Variants in ARHGEF7 observed in about 807,000 individuals in gnomAD.
ARHGEF7 encodes the protein Rho guanine nucleotide exchange factor 7.
ARHGEF7 carries 33 observed loss-of-function variants against 109.8 expected under a neutral mutation model. The ratio of observed to expected loss-of-function variants is 0.30; its 90% CI spans 0.23 to 0.40. ARHGEF7 has a LOEUF of 0.40. ARHGEF7 is among the 10% of genes least tolerant of loss of function. The pLI is 1.00. For missense variants in ARHGEF7, 938 were observed against 1,098.5 expected (o/e 0.85, Z 2.07); for synonymous variants, 458 against 424.6 (o/e 1.08, Z -0.97).
At chr13:111,280,800 T>G in intron 15 of ARHGEF7, 123 bp downstream of exon 15, 2 of 1,119,884 alleles carry the variant, frequency 1.8e-6, no homozygotes, top group Non-Finnish European at 2.5e-6. Flanking sequence ...GCAAAACACT[T>G]GCTTCACATT....
chr13:111,301,886 C>T (rs1288245090), intron 21 of ARHGEF7, among the ~76,000 whole-genome samples: 4 of 152,138 alleles, frequency 2.6e-5, no homozygotes, highest in Admixed American at 6.5e-5. Context: ...AGCAAGACTC[C>T]GTCTCAAATA....
chr13:111,117,788 C>T (rs543273953), intron 1 of ARHGEF7, among the ~76,000 whole-genome samples: 9 of 152,150 alleles, frequency 5.9e-5, no homozygotes, highest in South Asian at 2.1e-4. Flanking sequence ...TCTTGAACTC[C>T]GGGCCTCAAG....
At chr13:111,154,129 A>T (rs960666003) in intron 2 of ARHGEF7, 138 bp downstream of exon 2, 61 of 937,394 alleles carry the variant, frequency 6.5e-5, no homozygotes, top group Non-Finnish European at 8.6e-5. Flanking sequence ...AGAGTCCGGG[A>T]TGTGTGGAAC....
At chr13:111,297,808 T>C (rs1208174166) in intron 19 of ARHGEF7, among the ~76,000 whole-genome samples, 6 of 152,238 alleles carry the variant, frequency 3.9e-5, no homozygotes, top group Admixed American at 3.3e-4. Context: ...TCCTATTTTA[T>C]GTCATTCGAA....
At chr13:111,229,061 T>C (rs1298427467) in intron 5 of ARHGEF7, among the ~76,000 whole-genome samples, 1 of 151,544 alleles carries the variant, frequency 6.6e-6, no homozygotes, top group African/African-American at 2.4e-5. Flanking sequence ...TGCCTCGGAG[T>C]GGGGAGGGCA....
At chr13:111,298,251 T>C (rs2093469898) in intron 19 of ARHGEF7, among the ~76,000 whole-genome samples, 1 of 152,224 alleles carries the variant, frequency 6.6e-6, no homozygotes, top group African/African-American at 2.4e-5. Context: ...TTTGGGCAAA[T>C]AGCACATGAA....
chr13:111,227,329 G>A (rs749295607), intron 5 of ARHGEF7, among the ~76,000 whole-genome samples: 69 of 152,164 alleles, frequency 4.5e-4, no homozygotes, highest in Non-Finnish European at 7.5e-4. Context: ...ATGAAAGGAA[G>A]AATCAGTTGA....
Position 111,169,592 on chromosome 13 carries a change from C to T in ARHGEF7, c.252+15601C>T, listed in dbSNP as rs543185918. Reference sequence around the variant, plus strand: ...ACCTCCAACATTGGGGATTATACTTCGACATGAGAACCAAGCCACATCAGC... The same window carrying T: ...ACCTCCAACATTGGGGATTATACTTTGACATGAGAACCAAGCCACATCAGC... On this transcript the variant is annotated intron_variant, in intron 2 of 21. Transcript: ENST00000646102. 2.7e-3 allele frequency among the ~76,000 whole-genome samples: 412 copies of T among 152,292 alleles called. 4 individuals carry two copies. The highest frequency in any genetic ancestry group is 2.5e-3 in the East Asian group (13 of 5,182).
chr13:111,277,431 A>G (rs1275129109), intron 12 of ARHGEF7, among the ~76,000 whole-genome samples, 156 bp from the exon 13 acceptor site: 1 of 152,234 alleles, frequency 6.6e-6, no homozygotes. Flanking sequence ...AATTGTTTCC[A>G]TTTAATTTAC....
intron 6 of ARHGEF7, among the ~76,000 whole-genome samples, chr13:111,242,482 A>T (rs2087956821): frequency 6.6e-6 from 1 of 152,208 alleles, no homozygotes; most frequent in African/African-American, 2.4e-5. Context: ...CTTTTGTATG[A>T]ATAAGTGAGA....
chr13:111,235,349 TTC>T (rs761776250), intron 6 of ARHGEF7, among the ~76,000 whole-genome samples: 1 of 152,252 alleles, frequency 6.6e-6, no homozygotes, highest in South Asian at 2.1e-4. Flanking sequence ...TCTGTAATAC[TTC>T]TCAGATTGAA....
chr13:111,218,964 T>C (rs1441176093), intron 5 of ARHGEF7, among the ~76,000 whole-genome samples: 1 of 152,210 alleles, frequency 6.6e-6, no homozygotes, highest in Non-Finnish European at 1.5e-5. Flanking sequence ...TGTAAACTTC[T>C]CTGGTGTTGG....
chr13:111,294,358 G>A, intron 19 of ARHGEF7: 2 of 985,392 alleles, frequency 2.0e-6, no homozygotes, highest in Non-Finnish European at 2.4e-6. Flanking sequence ...CTGTGTCATG[G>A]GCTGTGTAGA....
At chr13:111,185,949 C>G (rs922919173) in intron 2 of ARHGEF7, among the ~76,000 whole-genome samples, 7 of 141,584 alleles carry the variant, frequency 4.9e-5, no homozygotes, top group Non-Finnish European at 7.7e-5. Context: ...GTCACACTGT[C>G]TTTTGGGAGC....
At position 111,115,663 on chromosome 13, in the gene ARHGEF7, A is replaced by G. The variant is rs1433863201; in HGVS notation, c.137A>G (p.Glu46Gly). The change falls in exon 1 of 22, where the codon GAG (glutamate) becomes GGG (glycine). Residue 46 changes from glutamate (E) to glycine (G), a missense_variant. Transcript: ENST00000646102. ...GGGGTGGTCCTCTGCAGGCTGCTGGAGCGCCTGCTCCCCGGGACCATCGAG... is the reference window on the plus strand; with the variant it reads ...GGGGTGGTCCTCTGCAGGCTGCTGGGGCGCCTGCTCCCCGGGACCATCGAG... Reference protein sequence around the residue: ...KDGVVLCRLLERLLPGTIEKV... With the variant: ...KDGVVLCRLLGRLLPGTIEKV... 4 of 1,322,042 alleles carry G rather than the reference A, an allele frequency of 3.0e-6. No individual in the cohort carries two copies. Among genetic ancestry groups the G allele is most frequent in the Non-Finnish European group, 3.9e-6 (4 of 1,027,816 alleles). 81.9% of individuals were successfully genotyped at this position (1,322,042 alleles called of 1,614,324 possible).
rs1405037101 is a variant in ARHGEF7 at position 111,273,821 on chromosome 13, T to C, written c.1081T>C (p.Leu361=). 6.2e-7 allele frequency: 1 copy of C among 1,613,836 alleles called. No individual in the cohort carries two copies. Among genetic ancestry groups the C allele is most frequent in the Admixed American group, 1.7e-5 (1 of 59,976 alleles). The change falls in exon 10 of 22, where the codon TTG becomes CTG. Residue 361 remains leucine, a synonymous_variant. Transcript: ENST00000646102. This position sits in a 1 kb window ranked among gnomAD's most constrained non-coding sequence, Gnocchi z 4.5. ...TTGCCACTTGCTGCCCAGTGAGGAG[T>C]TGGGGGAGTTCATGGAGACCAAAGG... ...VNVLTEHSEE[L]GEFMETKGAS... is the part of the protein sequence containing the mutation.
intron 2 of ARHGEF7, among the ~76,000 whole-genome samples, chr13:111,171,001 T>G (rs540983370): frequency 1.3e-5 from 2 of 152,368 alleles, no homozygotes; most frequent in East Asian, 3.9e-4. Flanking sequence ...ATACCAAATA[T>G]CCATCATAAA....
chr13:111,275,809 T>A, intron 12 of ARHGEF7, 131 bp downstream of exon 12: 1 of 1,183,666 alleles, frequency 8.4e-7, no homozygotes, highest in Non-Finnish European at 1.2e-6. Flanking sequence ...TGTGAGCTAC[T>A]TTTTATTCTT....
intron 5 of ARHGEF7, among the ~76,000 whole-genome samples, chr13:111,223,079 C>T (rs1471500479): frequency 1.3e-5 from 2 of 152,164 alleles, no homozygotes; most frequent in Non-Finnish European, 2.9e-5. Flanking sequence ...GATGGGAAAA[C>T]ATAGTATATA....
Sources: gnomAD v4.1 joint callset for allele counts (sites outside exome capture counted in the v4.1 genomes callset) on GRCh38, gnomAD v4.1.1 for gene constraint, Gnocchi (gnomAD v3.1) non-coding constraint, MANE v1.5 for transcripts, NCBI Gene and HGNC (gene_info 2026-07-23, HGNC 2026-07-21) for gene names.